Variants in ARRB1 observed in about 807,000 individuals in gnomAD.
The protein encoded by ARRB1 is arrestin beta 1.
Under a neutral mutation model 56.8 loss-of-function variants are expected in ARRB1, and 21 were observed. The ratio of observed to expected loss-of-function variants is 0.37; its 90% CI spans 0.26 to 0.53. The LOEUF is 0.53. ARRB1 is among the 20% of genes least tolerant of loss of function. The pLI, the probability that ARRB1 is intolerant of heterozygous loss-of-function variation, is 0.88. For synonymous variants in ARRB1, 210 were observed against 218.6 expected (o/e 0.96, Z 0.35); for missense variants, 424 against 553.7 (o/e 0.77, Z 2.35).
rs370038554 is a variant in ARRB1 at position 75,335,775 on chromosome 11, C to T, written c.20+15813G>A. ...TGGCAAGGGCTGCCCTATTAAGAACCCCATCCTCAAACATTTGTAGGGTAT... is the reference window on the plus strand; with the variant it reads ...TGGCAAGGGCTGCCCTATTAAGAACTCCATCCTCAAACATTTGTAGGGTAT... On this transcript the variant is annotated intron_variant, in intron 1 of 15. Transcript: ENST00000420843. Among the ~76,000 whole-genome samples, 6 of 152,308 alleles carry T rather than the reference C, an allele frequency of 3.9e-5. No individual in the cohort carries two copies. The East Asian group carries it at 5.8e-4, about 15-fold the overall frequency.
intron 1 of ARRB1, chr11:75,306,848 A>G (rs1947045063): frequency 2.7e-6 from 1 of 373,176 alleles, no homozygotes. Flanking sequence ...CTGTACACAG[A>G]CGGGCAGGGG....
At chr11:75,281,627 G>A in intron 6 of ARRB1, 1 of 361,746 alleles carries the variant, frequency 2.8e-6, no homozygotes, top group East Asian at 5.3e-5. Flanking sequence ...TTCCCCATCT[G>A]TGAAATGGGG....
rs1317865690 is a variant in ARRB1, at chr11:75,281,406, C to T, written c.415-264G>A. Among the ~76,000 whole-genome samples, 4 of 152,264 alleles carry T rather than the reference C, an allele frequency of 2.6e-5. 1 individual carries two copies. The highest frequency in any genetic ancestry group is 4.1e-4 in the South Asian group (2 of 4,822). On this transcript the variant is annotated intron_variant, in intron 6 of 15. Coordinates refer to ENST00000420843, the MANE Select transcript of ARRB1 (RefSeq NM_004041.5). ...GGATTCCTGCCTCAGTCTGGGTGGC[C>T]GTCCTCATCCAGGCAGCTGCCCAGA...
At chr11:75,277,531 A>G in intron 8 of ARRB1, 83 bp from the exon 9 acceptor site, 5 of 1,284,832 alleles carry the variant, frequency 3.9e-6, no homozygotes, top group Non-Finnish European at 5.6e-6. Context: ...CCCCCACGCG[A>G]TCTTCTGGGG....
At chr11:75,308,180 GT>G (rs989751875) in intron 1 of ARRB1, among the ~76,000 whole-genome samples, 26 of 152,334 alleles carry the variant, frequency 1.7e-4, no homozygotes, top group African/African-American at 6.3e-4. Context: ...ACTGCTATTA[GT>G]TAGCATCGAT....
chr11:75,283,997 C>G (rs1946416914), intron 4 of ARRB1, among the ~76,000 whole-genome samples: 2 of 152,202 alleles, frequency 1.3e-5, no homozygotes, highest in Non-Finnish European at 2.9e-5. Context: ...CTGGCATCCC[C>G]AGCCTTGCCA....
At chr11:75,279,960 C>T (rs1053954050) in intron 7 of ARRB1, among the ~76,000 whole-genome samples, 2 of 152,206 alleles carry the variant, frequency 1.3e-5, no homozygotes, top group African/African-American at 2.4e-5. Context: ...TGAGCCACCA[C>T]GCCCAGCAAG....
intron 6 of ARRB1, 105 bp downstream of exon 6, chr11:75,281,857 A>T: frequency 8.5e-7 from 1 of 1,181,646 alleles, no homozygotes; most frequent in South Asian, 1.4e-5. Flanking sequence ...ACTGTTCAAC[A>T]GGGAGAGTGG....
rs540267891 is a variant in ARRB1, at chr11:75,303,065, G to C, written c.21-13026C>G. 6.6e-5 allele frequency among the ~76,000 whole-genome samples: 10 copies of C among 152,086 alleles called. No individual in the cohort carries two copies. In the South Asian group the frequency reaches 1.9e-3, roughly 29 times the overall value. ...CACCCAGGCTGGAGTGGAGTGGCAT[G>C]ATCTTGGCTCACTGCAACCTCCGCC... On this transcript the variant is annotated intron_variant, in intron 1 of 15. Transcript: ENST00000420843.
chr11:75,281,936 G>A, intron 6 of ARRB1, 26 bp downstream of exon 6: 2 of 1,612,030 alleles, frequency 1.2e-6, no homozygotes, highest in Non-Finnish European at 1.7e-6. Flanking sequence ...TGGAGCCAGA[G>A]AGATGGTCCC....
chr11:75,337,085 A>C (rs1947617423), intron 1 of ARRB1, among the ~76,000 whole-genome samples: 1 of 152,234 alleles, frequency 6.6e-6, no homozygotes, highest in Non-Finnish European at 1.5e-5. Flanking sequence ...AGGGAGATCT[A>C]AGCCTTATTT....
chr11:75,302,802 C>T (rs1206112397), intron 1 of ARRB1, among the ~76,000 whole-genome samples: 2 of 152,226 alleles, frequency 1.3e-5, no homozygotes, highest in East Asian at 3.9e-4. Context: ...CATCATTATC[C>T]TGGCCAGTGT....
chr11:75,274,001 G>A, intron 11 of ARRB1, 73 bp downstream of exon 11: 1 of 1,601,104 alleles, frequency 6.2e-7, no homozygotes, highest in East Asian at 2.2e-5. Flanking sequence ...TTTGAACTGG[G>A]GGGACCAAGG....
At chr11:75,340,760 G>A (rs1478195859) in intron 1 of ARRB1, among the ~76,000 whole-genome samples, 1 of 152,190 alleles carries the variant, frequency 6.6e-6, no homozygotes, top group Non-Finnish European at 1.5e-5. Context: ...CTCTGCACAG[G>A]GGTGAGGGTT....
chr11:75,267,589 AC>A (rs1243142240), intron 15 of ARRB1, 62 bp downstream of exon 15: 8 of 1,481,562 alleles, frequency 5.4e-6, no homozygotes, highest in East Asian at 4.6e-5. Flanking sequence ...TATGCAAATG[AC>A]CCCCTCCACC....
chr11:75,275,143 T>TTTTATTTTATTTTATTTTA (rs1946170577), intron 10 of ARRB1, among the ~76,000 whole-genome samples: 1 of 149,562 alleles, frequency 6.7e-6, no homozygotes, highest in African/African-American at 2.5e-5. Flanking sequence ...TTTTATTTTA[T>TTTTATTTTATTTTATTTTA]TTTATTTTAT....
In ARRB1 at chr11:75,283,565, C is replaced by T. The variant is rs1006165758; in HGVS notation, c.158-82G>A. The T allele has an allele frequency of 2.2e-5, 30 of 1,379,718 alleles. No homozygotes were observed. The Admixed American group carries it at 2.5e-4, about 12-fold the overall frequency. 85.5% of individuals were successfully genotyped at this position (1,379,718 alleles called of 1,614,324 possible). ...CAGAGTGCCGGCAGCAGCCCTGGGA[C>T]GGGCCCCACTGGAGGCCCCAAGCCT... On this transcript the variant is annotated intron_variant, in intron 4 of 15. Transcript: ENST00000420843.
chr11:75,267,603 G>T, intron 15 of ARRB1, 49 bp downstream of exon 15: 1 of 736,874 alleles, frequency 1.4e-6, no homozygotes. Flanking sequence ...CCTCCACCCC[G>T]CCCACCCGCG....
intron 10 of ARRB1, among the ~76,000 whole-genome samples, chr11:75,275,938 C>T (rs2140412255): frequency 6.6e-6 from 1 of 152,328 alleles, no homozygotes; most frequent in East Asian, 1.9e-4. Context: ...TAGATCACTT[C>T]ACTTTACCAT....
Sources: gnomAD v4.1 joint callset for allele counts (sites outside exome capture counted in the v4.1 genomes callset) on GRCh38, gnomAD v4.1.1 for gene constraint, MANE v1.5 for transcripts, NCBI Gene and HGNC (gene_info 2026-07-23, HGNC 2026-07-21) for gene names.